L3MBTL4: variants seen among roughly 807,000 people sequenced by gnomAD.
The protein encoded by L3MBTL4 is L3MBTL histone methyl-lysine binding protein 4.
L3MBTL4 carries 70 observed loss-of-function variants against 84.5 expected under a neutral mutation model. That is an observed-to-expected ratio of 0.83 (90% confidence interval 0.68 to 1.01). L3MBTL4 has a LOEUF of 1.01. Among genes scored for constraint, L3MBTL4 ranks in the 50% least tolerant of loss-of-function variants. The probability of loss-of-function intolerance (pLI) is 0.00; values close to 1 mark genes in which losing one functional copy is unlikely to be tolerated. For synonymous variants in L3MBTL4, 274 were observed against 259.8 expected (o/e 1.05, Z -0.52); for missense variants, 715 against 754.8 (o/e 0.95, Z 0.62).
At chr18:6,327,866 A>C (rs1373611886) in intron 1 of L3MBTL4, among the ~76,000 whole-genome samples, 1 of 152,204 alleles carries the variant, frequency 6.6e-6, no homozygotes, top group African/African-American at 2.4e-5. Context: ...TCTCATATTT[A>C]TTTCTTTAGA....
chr18:5,994,340 C>A (rs1208475013), intron 16 of L3MBTL4, among the ~76,000 whole-genome samples: 1 of 152,206 alleles, frequency 6.6e-6, no homozygotes, highest in Non-Finnish European at 1.5e-5. Context: ...TAATGCTTAG[C>A]ACAAAGCAGG....
chr18:5,977,037 G>T (rs2052970353), intron 16 of L3MBTL4, among the ~76,000 whole-genome samples: 1 of 152,148 alleles, frequency 6.6e-6, no homozygotes, highest in Non-Finnish European at 1.5e-5. Flanking sequence ...GGGACAGCCA[G>T]ATCCTTGGGG....
At position 6,134,830 on chromosome 18, in the gene L3MBTL4, G is replaced by A. The variant is rs970830614; in HGVS notation, c.1199+3364C>T. ...CAGGTGCATGGTACAAGCTGTCAGC[G>A]GATCTACCATTCTGGGGTCTGGAGG... On this transcript the variant is annotated intron_variant, in intron 14 of 18. Transcript: ENST00000317931. 1.2e-4 allele frequency among the ~76,000 whole-genome samples: 18 copies of A among 152,250 alleles called. No individual in the cohort carries two copies. In the East Asian group the frequency reaches 1.4e-3, roughly 11 times the overall value.
At chr18:6,317,978 C>T (rs377139342) in intron 1 of L3MBTL4, among the ~76,000 whole-genome samples, 2 of 151,978 alleles carry the variant, frequency 1.3e-5, no homozygotes, top group Admixed American at 1.3e-4. Flanking sequence ...TAACTGAGAG[C>T]CAAGAATTCT....
At chr18:6,093,236 C>T in intron 15 of L3MBTL4, 119 bp downstream of exon 15, 2 of 803,828 alleles carry the variant, frequency 2.5e-6, no homozygotes, top group East Asian at 3.0e-5. Flanking sequence ...CTAATAATAT[C>T]CAGAAATAAA....
intron 1 of L3MBTL4, among the ~76,000 whole-genome samples, chr18:6,337,250 A>G (rs1040753953): frequency 3.9e-5 from 6 of 152,168 alleles, no homozygotes; most frequent in Non-Finnish European, 8.8e-5. Flanking sequence ...ATGTTCCAAA[A>G]CTGAGAAAAA....
intron 16 of L3MBTL4, among the ~76,000 whole-genome samples, chr18:6,057,742 G>T (rs1347769708): frequency 1.3e-5 from 2 of 152,154 alleles, no homozygotes; most frequent in African/African-American, 4.8e-5. Context: ...AGAAAGAGTT[G>T]TCTGTGCTAA....
intron 1 of L3MBTL4, among the ~76,000 whole-genome samples, chr18:6,399,302 G>T (rs1006751369): frequency 6.6e-6 from 1 of 152,052 alleles, no homozygotes; most frequent in Non-Finnish European, 1.5e-5. Flanking sequence ...CCCGGGTGTG[G>T]TGGTGCATGC....
intron 16 of L3MBTL4, chr18:6,031,371 AAG>A: frequency 1.0e-6 from 1 of 985,436 alleles, no homozygotes; most frequent in South Asian, 4.7e-5. Flanking sequence ...TGTAGATAGC[AAG>A]AGAATGTATA....
intron 1 of L3MBTL4, among the ~76,000 whole-genome samples, chr18:6,392,361 C>A (rs899526880): frequency 1.3e-5 from 2 of 152,150 alleles, no homozygotes; most frequent in Non-Finnish European, 2.9e-5. Context: ...CCAGCCTGGC[C>A]AACATGGCAA....
In L3MBTL4 at chr18:6,394,500, G is replaced by A. The variant is rs1445959240; in HGVS notation, c.-91+20301C>T. On this transcript the variant is annotated intron_variant, in intron 1 of 18. Transcript: ENST00000317931. The stretch of plus-strand genomic sequence containing the variant: ...AAAATAAAAAATAATAAAAGAAAAC[G>A]ATACATTATTTACCTGTTTGTTATG... Among the ~76,000 whole-genome samples, 8 of 151,786 alleles carry A rather than the reference G, an allele frequency of 5.3e-5. No individual in the cohort carries two copies. In the South Asian group the frequency reaches 6.3e-4, roughly 12 times the overall value.
intron 16 of L3MBTL4, 78 bp from the exon 17 acceptor site, chr18:5,969,640 G>A (rs757435198): frequency 5.9e-5 from 86 of 1,458,908 alleles, no homozygotes; most frequent in Admixed American, 3.5e-4. Flanking sequence ...CAGTCCGGAG[G>A]GCCCAAGTCA....
rs989429285 is a variant in L3MBTL4, at chr18:6,004,510, C to G, written c.1445-34948G>C. On this transcript the variant is annotated intron_variant, in intron 16 of 18. Transcript: ENST00000317931. ...GAAAACTGAAGAGGGGGAACACTTT[C>G]TAACTCATAGAAAGGCATTCAAATA... 3.3e-5 allele frequency among the ~76,000 whole-genome samples: 5 copies of G among 152,238 alleles called. No individual in the cohort carries two copies. The South Asian group carries it at 8.3e-4, about 25-fold the overall frequency.
intron 16 of L3MBTL4, among the ~76,000 whole-genome samples, chr18:6,062,512 G>A (rs1300277789): frequency 6.6e-6 from 1 of 151,860 alleles, no homozygotes; most frequent in Non-Finnish European, 1.5e-5. Context: ...ATGTGTTTTA[G>A]TGTCTGCCAT....
intron 16 of L3MBTL4, among the ~76,000 whole-genome samples, chr18:6,055,787 G>A (rs961937371): frequency 2.6e-5 from 4 of 152,088 alleles, no homozygotes; most frequent in African/African-American, 9.7e-5. Flanking sequence ...TGACTGAGTT[G>A]GAACCCAGAT....
intron 14 of L3MBTL4, among the ~76,000 whole-genome samples, chr18:6,103,429 C>T (rs1394578509): frequency 6.6e-6 from 1 of 152,152 alleles, no homozygotes; most frequent in Non-Finnish European, 1.5e-5. Context: ...AAAACCTTTA[C>T]AGTATGTTTT....
Position 6,045,557 on chromosome 18 carries a change from C to T in L3MBTL4, c.1444+35324G>A, listed in dbSNP as rs187025141. Among the ~76,000 whole-genome samples, 337 of 152,242 alleles carry T rather than the reference C, an allele frequency of 2.2e-3. 1 individual carries two copies. Among genetic ancestry groups the T allele is most frequent in the Admixed American group, 3.7e-3 (56 of 15,296 alleles). ...TTATGTGGATGGCAGCAGGCAAAGA[C>T]GGTTTGTGCAGGGAATCTCCCATTT... On this transcript the variant is annotated intron_variant, in intron 16 of 18. Transcript: ENST00000317931.
At chr18:6,350,238 A>T (rs2053117252) in intron 1 of L3MBTL4, among the ~76,000 whole-genome samples, 1 of 152,222 alleles carries the variant, frequency 6.6e-6, no homozygotes, top group Admixed American at 6.5e-5. Flanking sequence ...CCAAAGAATA[A>T]GTAAATAAAT....
intron 4 of L3MBTL4, among the ~76,000 whole-genome samples, chr18:6,282,070 G>A (rs1000809308): frequency 6.6e-6 from 1 of 152,150 alleles, no homozygotes; most frequent in Non-Finnish European, 1.5e-5. Flanking sequence ...CGTCCAACCA[G>A]CTGAGCACAG....
Sources: gnomAD v4.1 joint callset for allele counts (sites outside exome capture counted in the v4.1 genomes callset) on GRCh38, gnomAD v4.1.1 for gene constraint, MANE v1.5 for transcripts, NCBI Gene and HGNC (gene_info 2026-07-23, HGNC 2026-07-21) for gene names.